TMEM131L: variants seen among roughly 807,000 people sequenced by gnomAD.
TMEM131L encodes the protein transmembrane protein 131-like.
In TMEM131L, 54 loss-of-function variants were observed where a neutral mutation model predicts 192.2. The ratio of observed to expected loss-of-function variants is 0.28; its 90% CI spans 0.23 to 0.35. The LOEUF is 0.35. Ranked by LOEUF, TMEM131L falls within the 10% of genes least tolerant of loss-of-function variation. The probability of loss-of-function intolerance (pLI) is 1.00; values close to 1 mark genes in which losing one functional copy is unlikely to be tolerated. For missense variants in TMEM131L, 1,888 were observed against 1,972.9 expected (o/e 0.96, Z 0.82); for synonymous variants, 701 against 704.9 (o/e 0.99, Z 0.09).
chr4:153,510,775 G>A (rs1023971083), intron 3 of TMEM131L, among the ~76,000 whole-genome samples: 1 of 152,068 alleles, frequency 6.6e-6, no homozygotes, highest in African/African-American at 2.4e-5. Flanking sequence ...CCAGCTACTT[G>A]GAGGGCACTG....
At chr4:153,607,329 A>G (rs1191191144) in intron 25 of TMEM131L, among the ~76,000 whole-genome samples, 2 of 152,242 alleles carry the variant, frequency 1.3e-5, no homozygotes, top group African/African-American at 4.8e-5. Flanking sequence ...GTTCTTTGCT[A>G]GCTTTGAAAA....
In TMEM131L at chr4:153,604,232, T is replaced by C. The variant is rs769546486; in HGVS notation, c.3220T>C (p.Cys1074Arg). 1 of 1,614,042 alleles carries C rather than the reference T, an allele frequency of 6.2e-7. No homozygotes were observed. The highest frequency in any genetic ancestry group is 1.1e-5 in the South Asian group (1 of 91,080). Residue 1074 changes from cysteine (C) to arginine (R), a missense_variant, in exon 25 of 35, where the codon TGT becomes CGT. Cys to Arg is a radical substitution (Grantham distance 180). Transcript: ENST00000409959. ...TGTTTTCAGTAATCCTTCTTCAGAA[T>C]GTAGTATGAAGGAGGGAATACAGAC... ...TIVFSNPSSE[C>R]SMKEGIQTCM...
chr4:153,491,243 T>G (rs115028869), intron 3 of TMEM131L, among the ~76,000 whole-genome samples: 3 of 152,156 alleles, frequency 2.0e-5, no homozygotes, highest in African/African-American at 7.2e-5. Context: ...CCTAGAGAGC[T>G]GAACACCTGT....
intron 3 of TMEM131L, among the ~76,000 whole-genome samples, chr4:153,508,760 T>G (rs751717950): frequency 4.6e-5 from 7 of 151,504 alleles, no homozygotes; most frequent in Non-Finnish European, 1.0e-4. Flanking sequence ...TCCTCCCAAC[T>G]TAGCTCCCCA....
chr4:153,549,110 G>A (rs558521714), intron 3 of TMEM131L, among the ~76,000 whole-genome samples: 1 of 151,896 alleles, frequency 6.6e-6, no homozygotes, highest in Non-Finnish European at 1.5e-5. Context: ...GATTACAGGC[G>A]CATGCCACCA....
intron 3 of TMEM131L, among the ~76,000 whole-genome samples, chr4:153,489,640 G>A (rs1447266394): frequency 6.6e-6 from 1 of 152,052 alleles, no homozygotes; most frequent in Non-Finnish European, 1.5e-5. Flanking sequence ...ACCATGCCCG[G>A]CTAATTTTTG....
At chr4:153,592,840 G>A (rs1415244354) in intron 18 of TMEM131L, among the ~76,000 whole-genome samples, 2 of 152,158 alleles carry the variant, frequency 1.3e-5, no homozygotes, top group African/African-American at 4.8e-5. Flanking sequence ...TCTTTAGCTA[G>A]GGAACCTTTA....
At chr4:153,629,791 G>C (rs1735007530) in intron 31 of TMEM131L, among the ~76,000 whole-genome samples, 1 of 152,138 alleles carries the variant, frequency 6.6e-6, no homozygotes, top group African/African-American at 2.4e-5. Flanking sequence ...TTAGGTTCCT[G>C]ACCCAGCTTC....
intron 3 of TMEM131L, among the ~76,000 whole-genome samples, chr4:153,493,345 CAAAAAAAA>C (rs35052272): frequency 5.5e-5 from 4 of 72,876 alleles, no homozygotes; most frequent in African/African-American, 2.0e-4. Context: ...GACTCTGTCT[CAAAAAAAA>C]AAAAAAAAAA....
chr4:153,560,977 G>A (rs993218030), intron 7 of TMEM131L, among the ~76,000 whole-genome samples: 4 of 152,144 alleles, frequency 2.6e-5, no homozygotes, highest in Admixed American at 1.3e-4. Flanking sequence ...TTTCTAAAGT[G>A]GTTGCATCAT....
chr4:153,615,586 G>A (rs1324939087), intron 26 of TMEM131L, among the ~76,000 whole-genome samples: 1 of 152,226 alleles, frequency 6.6e-6, no homozygotes, highest in Non-Finnish European at 1.5e-5. Context: ...ACTTTCAGGA[G>A]CAGAAATAGT....
intron 31 of TMEM131L, among the ~76,000 whole-genome samples, chr4:153,628,977 GCCGTGTTTTCCTT>G (rs933932795): frequency 7.2e-5 from 11 of 152,158 alleles, no homozygotes; most frequent in African/African-American, 2.7e-4. Flanking sequence ...CTCCCTCACA[GCCGTGTTTTCCTT>G]CTTGCCCAGC....
At chr4:153,509,696 G>A (rs138344228) in intron 3 of TMEM131L, among the ~76,000 whole-genome samples, 17 of 152,242 alleles carry the variant, frequency 1.1e-4, no homozygotes, top group East Asian at 3.9e-4. Context: ...CAGCCTGGGC[G>A]ACAGAGCGAG....
chr4:153,607,522 GTGT>G (rs1388752718), intron 25 of TMEM131L, among the ~76,000 whole-genome samples: 6 of 152,128 alleles, frequency 3.9e-5, no homozygotes, highest in Non-Finnish European at 8.8e-5. Context: ...CTCACTCAGT[GTGT>G]TTGCCACATT....
At position 153,632,821 on chromosome 4, in the gene TMEM131L, G is replaced by T. The variant is rs35897141; in HGVS notation, c.4311G>T (p.Ser1437=). The T allele has an allele frequency of 1.9e-6, 3 of 1,613,916 alleles. No individual in the cohort carries two copies. The highest frequency in any genetic ancestry group is 2.5e-6 in the Non-Finnish European group (3 of 1,179,984). Reference sequence around the variant, plus strand: ...GCGTGCCTTGTGTGATTCAGGAGTCGGCCCCGGTTCATAATAGGTACAGCT... The same window carrying T: ...GCGTGCCTTGTGTGATTCAGGAGTCTGCCCCGGTTCATAATAGGTACAGCT... ...ENGVPCVIQE[S]APVHNSFIDW... is the part of the protein sequence containing the mutation. The change falls in exon 32 of 35, where the codon TCG becomes TCT. Residue 1437 remains serine, a synonymous_variant. Coordinates refer to ENST00000409959, the MANE Select transcript of TMEM131L (RefSeq NM_001131007.2).
rs1321801181 is a variant in TMEM131L at position 153,540,241 on chromosome 4, A to G, written c.240-9832A>G. Among the ~76,000 whole-genome samples the G allele has an allele frequency of 9.2e-5, 14 of 152,018 alleles. 1 individual carries two copies. The highest frequency in any genetic ancestry group is 9.2e-4 in the Admixed American group (14 of 15,268). On this transcript the variant is annotated intron_variant, in intron 3 of 34. Transcript: ENST00000409959. ...GATTGTTCTTCGGTCCTACTGAGAA[A>G]CTCTAGAAATTAATTATCTTTTGTA...
chr4:153,541,252 A>G (rs1228311424), intron 3 of TMEM131L, among the ~76,000 whole-genome samples: 2 of 152,182 alleles, frequency 1.3e-5, no homozygotes, highest in Non-Finnish European at 2.9e-5. Flanking sequence ...AAGTCCTTTA[A>G]CTAGTTGGCT....
At chr4:153,517,114 C>G (rs1734790653) in intron 3 of TMEM131L, among the ~76,000 whole-genome samples, 1 of 152,224 alleles carries the variant, frequency 6.6e-6, no homozygotes. Flanking sequence ...CGTGAGCCAC[C>G]ACGCCTGGCC....
At chr4:153,597,778 A>C (rs977834165) in intron 20 of TMEM131L, among the ~76,000 whole-genome samples, 14 of 152,024 alleles carry the variant, frequency 9.2e-5, no homozygotes, top group African/African-American at 2.2e-4. Flanking sequence ...ACAAAAATAC[A>C]AAGTATTAGC....
Sources: allele counts gnomAD v4.1 joint callset (sites outside exome capture counted in the v4.1 genomes callset), GRCh38; gene constraint gnomAD v4.1.1; transcripts MANE v1.5; gene names NCBI Gene and HGNC (gene_info 2026-07-23, HGNC 2026-07-21).